The following EFCAB13 variants were observed in gnomAD, a reference collection of about 807,000 sequenced individuals.
The protein encoded by EFCAB13 is EF-hand calcium-binding domain-containing protein 13.
In EFCAB13, 91 loss-of-function variants were observed where a neutral mutation model predicts 110.2. The observed-to-expected ratio is 0.83, with a 90% CI of 0.70 to 0.98. The LOEUF (loss-of-function observed/expected upper bound fraction) is 0.98, where lower values mean the gene tolerates loss of function less well. EFCAB13 is among the 50% of genes least tolerant of loss of function. The probability of loss-of-function intolerance (pLI) is 0.00; values close to 1 mark genes in which losing one functional copy is unlikely to be tolerated. For missense variants in EFCAB13, 968 were observed against 1,119.4 expected, an observed-to-expected ratio of 0.86 and a Z score of 1.93; for synonymous variants, 323 against 369.9, an observed-to-expected ratio of 0.87 and a Z score of 1.45.
intron 14 of EFCAB13, among the ~76,000 whole-genome samples, chr17:47,382,014 T>C (rs1400201005): frequency 6.6e-6 from 1 of 152,228 alleles, no homozygotes; most frequent in Non-Finnish European, 1.5e-5. Flanking sequence ...CATTTGTTTG[T>C]GTCCTCTCTT....
intron 24 of EFCAB13, among the ~76,000 whole-genome samples, chr17:47,434,416 C>A (rs2143524932): frequency 6.6e-6 from 1 of 152,058 alleles, no homozygotes; most frequent in African/African-American, 2.4e-5. Flanking sequence ...GTATCAGTGA[C>A]ACAAACAAAT....
chr17:47,370,313 T>G (rs1300915408), intron 10 of EFCAB13, 124 bp from the exon 11 acceptor site: 12 of 698,998 alleles, frequency 1.7e-5, no homozygotes, highest in Admixed American at 7.6e-5. Flanking sequence ...TATTCAAGAC[T>G]TTGTAATAGT....
chr17:47,362,927 A>G (rs2065524225), intron 10 of EFCAB13, among the ~76,000 whole-genome samples: 1 of 151,848 alleles, frequency 6.6e-6, no homozygotes, highest in African/African-American at 2.4e-5. Context: ...CGGGGCCACT[A>G]CCAGTCTCCG....
At chr17:47,437,637 A>T (rs1385726735) in intron 24 of EFCAB13, among the ~76,000 whole-genome samples, 3 of 151,838 alleles carry the variant, frequency 2.0e-5, no homozygotes, top group Admixed American at 2.0e-4. Context: ...CTTTACTTTA[A>T]GTTTATTTGA....
chr17:47,363,336 G>A (rs2065526936), intron 10 of EFCAB13, among the ~76,000 whole-genome samples: 2 of 152,040 alleles, frequency 1.3e-5, no homozygotes, highest in African/African-American at 4.8e-5. Flanking sequence ...TGAGTAGCTG[G>A]AATTACAGGC....
At chr17:47,421,838 G>GTAAC (rs1904730933) in intron 23 of EFCAB13, among the ~76,000 whole-genome samples, 1 of 152,150 alleles carries the variant, frequency 6.6e-6, no homozygotes, top group African/African-American at 2.4e-5. Flanking sequence ...AATCTGAAGA[G>GTAAC]TAACTCCAGG....
At chr17:47,423,632 C>A in intron 23 of EFCAB13, 1 of 372,376 alleles carries the variant, frequency 2.7e-6, no homozygotes, top group Non-Finnish European at 4.7e-6. Context: ...CATTGTTTCG[C>A]TTCTCTGGGT....
intron 9 of EFCAB13, among the ~76,000 whole-genome samples, chr17:47,351,832 G>A (rs917272664): frequency 4.0e-5 from 6 of 150,614 alleles, no homozygotes; most frequent in Admixed American, 1.3e-4. Context: ...TTGTGCTTTC[G>A]AGTTCTTAGT....
At chr17:47,349,152 G>C (rs1019197598) in intron 9 of EFCAB13, among the ~76,000 whole-genome samples, 3 of 152,206 alleles carry the variant, frequency 2.0e-5, no homozygotes, top group Non-Finnish European at 4.4e-5. Flanking sequence ...TGCTTCTGTG[G>C]TATGGAAGTG....
chr17:47,420,403 C>T lies in EFCAB13; in HGVS notation c.2494+5484C>T, dbSNP rs1482096044. The stretch of plus-strand genomic sequence containing the variant: ...GAAGTGAGGAGCGTCTCTGCCTGGC[C>T]GCCCATCATCTGGGACGTGAGGAGC... On this transcript the variant is annotated intron_variant, in intron 23 of 24. Transcript: ENST00000331493. 6.6e-5 allele frequency among the ~76,000 whole-genome samples: 10 copies of T among 152,036 alleles called. No homozygotes were observed. The South Asian group carries it at 1.5e-3, about 22-fold the overall frequency.
chr17:47,391,565 C>T lies in EFCAB13; in HGVS notation c.1711C>T (p.Leu571=). 6.3e-7 allele frequency: 1 copy of T among 1,576,658 alleles called. No individual in the cohort carries two copies. Among genetic ancestry groups the T allele is most frequent in the East Asian group, 2.4e-5 (1 of 42,008 alleles). ...SKPEFKKITE[L]TEAGETKKVN... Reference sequence around the variant, plus strand: ...GCCAGAATTTAAGAAGATCACAGAACTGACTGAAGCTGGTGGTGAGTGATA... The same window carrying T: ...GCCAGAATTTAAGAAGATCACAGAATTGACTGAAGCTGGTGGTGAGTGATA... Residue 571 remains leucine (L), a synonymous_variant, in exon 15 of 25, where the codon CTG becomes TTG. Transcript: ENST00000331493.
At chr17:47,352,563 A>G (rs1045925335) in intron 9 of EFCAB13, among the ~76,000 whole-genome samples, 4 of 152,112 alleles carry the variant, frequency 2.6e-5, no homozygotes, top group African/African-American at 9.7e-5. Context: ...TACATTGGCT[A>G]TTTGGGCTCC....
Position 47,341,994 on chromosome 17 carries a change from AAG to A in EFCAB13, c.268_269del (p.Ser90PhefsTer8). On this transcript the variant is annotated frameshift_variant, in exon 6 of 25. Transcript: ENST00000331493. LOFTEE classifies it high-confidence loss of function. Reference protein sequence around the residue: ...DFSGEKKVGRKSLQVQQHSKR... With the variant: ...DFSGEKKVGRXSLQVQQHSKR... Reference sequence around the variant, plus strand: ...TTCAGGAGAAAAAAAAGTTGGGAGAAAGAGTTTACAAGTACAACAGCACAGTA... The same window carrying A: ...TTCAGGAGAAAAAAAAGTTGGGAGAAAGTTTACAAGTACAACAGCACAGTA... 1 of 1,601,926 alleles carries A rather than the reference AAG, an allele frequency of 6.2e-7. No homozygotes were observed. Among genetic ancestry groups the A allele is most frequent in the Non-Finnish European group, 8.5e-7 (1 of 1,174,942 alleles).
intron 23 of EFCAB13, among the ~76,000 whole-genome samples, chr17:47,424,371 G>A (rs1381938063): frequency 6.6e-6 from 1 of 152,224 alleles, no homozygotes; most frequent in Non-Finnish European, 1.5e-5. Flanking sequence ...CGAAGCTGTG[G>A]ATCATAGTTC....
Position 47,395,950 on chromosome 17 carries a change from G to T in EFCAB13, c.1918G>T (p.Ala640Ser), listed in dbSNP as rs1488741436. 1.9e-6 allele frequency: 3 copies of T among 1,608,498 alleles called. No individual in the cohort carries two copies. The highest frequency in any genetic ancestry group is 2.6e-6 in the Non-Finnish European group (3 of 1,176,374). Residue 640 changes from alanine to serine, a missense_variant, in exon 17 of 25, where the codon GCT becomes TCT. By Grantham distance (99) the Ala-to-Ser change is moderately conservative. Transcript: ENST00000331493. ...NSNLKKDEFL[A>S]ALELVTVDEG... ...TAATTTAAAAAAGGATGAATTTCTA[G>T]CTGCATTGGAACTAGTGACAGTTGA...
intron 15 of EFCAB13, among the ~76,000 whole-genome samples, chr17:47,391,866 A>T (rs905971086): frequency 2.6e-5 from 4 of 152,174 alleles, no homozygotes; most frequent in African/African-American, 9.7e-5. Flanking sequence ...AGACAAAAAG[A>T]AAGCAGAATT....
chr17:47,348,382 A>G (rs193085844), intron 9 of EFCAB13, among the ~76,000 whole-genome samples: 53 of 152,248 alleles, frequency 3.5e-4, no homozygotes, highest in Admixed American at 1.7e-3. Flanking sequence ...ATTACCTTGA[A>G]TCCTATATTC....
chr17:47,401,064 G>C (rs1471107882), intron 17 of EFCAB13, among the ~76,000 whole-genome samples: 3 of 152,206 alleles, frequency 2.0e-5, no homozygotes, highest in Non-Finnish European at 4.4e-5. Context: ...AGCCTTTACA[G>C]TTAGTGATAT....
rs1409851449 is a variant in EFCAB13, at chr17:47,412,923, A to AT, written c.2422+14dup. 1.9e-6 allele frequency: 3 copies of AT among 1,600,226 alleles called. No individual in the cohort carries two copies. The highest frequency in any genetic ancestry group is 1.7e-6 in the Non-Finnish European group (2 of 1,173,540). On this transcript the variant is annotated splice_region_variant and intron_variant, in intron 22 of 24. Transcript: ENST00000331493. ...AACTGTTGTAACGTCAGTGGTGAGCATTTTTTTGGCCTGAGATTCTTTTCA... is the reference window on the plus strand; with the variant it reads ...AACTGTTGTAACGTCAGTGGTGAGCATTTTTTTTGGCCTGAGATTCTTTTCA...
Sources: allele counts gnomAD v4.1 joint callset (sites outside exome capture counted in the v4.1 genomes callset), GRCh38; gene constraint gnomAD v4.1.1; transcripts MANE v1.5; gene names NCBI Gene and HGNC (gene_info 2026-07-23, HGNC 2026-07-21).